The following SETBP1 variants were observed in gnomAD, a reference collection of about 807,000 sequenced individuals.
The protein encoded by SETBP1 is SET binding protein 1.
In SETBP1, 9 loss-of-function variants were observed where a neutral mutation model predicts 101.0. That is an observed-to-expected ratio of 0.09 (90% CI 0.05 to 0.16). SETBP1 has a LOEUF of 0.16. SETBP1 is among the 10% of genes least tolerant of loss of function. The probability of loss-of-function intolerance (pLI) is 1.00; values close to 1 mark genes in which losing one functional copy is unlikely to be tolerated. For synonymous variants in SETBP1, 818 were observed against 788.5 expected, an observed-to-expected ratio of 1.04 and a Z score of -0.63; for missense variants, 1,858 against 2,033.8, an observed-to-expected ratio of 0.91 and a Z score of 1.66.
At chr18:44,898,778 C>G (rs1332763327) in intron 3 of SETBP1, among the ~76,000 whole-genome samples, 1 of 152,128 alleles carries the variant, frequency 6.6e-6, no homozygotes, top group Non-Finnish European at 1.5e-5. Context: ...GGGACACACC[C>G]GAGCACCCAC....
At chr18:44,889,961 A>C (rs1381269981) in intron 3 of SETBP1, among the ~76,000 whole-genome samples, 2 of 152,184 alleles carry the variant, frequency 1.3e-5, no homozygotes, top group Non-Finnish European at 2.9e-5. Context: ...TACTTAATTA[A>C]CAAATTAAAA....
intron 2 of SETBP1, among the ~76,000 whole-genome samples, chr18:44,823,796 G>T (rs1177275698): frequency 8.5e-5 from 13 of 152,196 alleles, no homozygotes; most frequent in Admixed American, 8.5e-4. Flanking sequence ...TCACAAATAA[G>T]AAATGATTTT....
chr18:45,028,971 C>T (rs918238816), intron 4 of SETBP1, among the ~76,000 whole-genome samples: 24 of 152,288 alleles, frequency 1.6e-4, no homozygotes, highest in Non-Finnish European at 3.1e-4. Context: ...TGCCTGTTCA[C>T]TCTGCTAGTA....
At chr18:44,965,936 A>T (rs1047426943) in intron 4 of SETBP1, among the ~76,000 whole-genome samples, 1 of 152,168 alleles carries the variant, frequency 6.6e-6, no homozygotes, top group African/African-American at 2.4e-5. Context: ...ACCTTCCGCC[A>T]TGCCAGGGTT....
chr18:45,017,041 T>C (rs1462977261), intron 4 of SETBP1, among the ~76,000 whole-genome samples: 2 of 152,302 alleles, frequency 1.3e-5, no homozygotes, highest in East Asian at 3.9e-4. Context: ...TCCTTTGTTT[T>C]CTTGCAAATG....
rs2072769188 is a variant in SETBP1, at chr18:45,008,218, C to A, written c.4001-30267C>A. Among the ~76,000 whole-genome samples, 3 of 152,232 alleles carry A rather than the reference C, an allele frequency of 2.0e-5. No homozygotes were observed. In the South Asian group the frequency reaches 6.2e-4, roughly 32 times the overall value. ...TTGTCCCTAGGGGACAAGAGGTTTTCTTCATCAATCTCATGGGAATTGAGT... is the reference window on the plus strand; with the variant it reads ...TTGTCCCTAGGGGACAAGAGGTTTTATTCATCAATCTCATGGGAATTGAGT... On this transcript the variant is annotated intron_variant, in intron 4 of 5. Coordinates refer to ENST00000649279, the MANE Select transcript of SETBP1 (RefSeq NM_015559.3).
intron 2 of SETBP1, among the ~76,000 whole-genome samples, chr18:44,810,604 T>TAGG (rs2071841108): frequency 6.6e-6 from 1 of 152,220 alleles, no homozygotes; most frequent in South Asian, 2.1e-4. Context: ...ATGTTTGATT[T>TAGG]AGGGTCTGGA....
intron 2 of SETBP1, among the ~76,000 whole-genome samples, chr18:44,784,383 C>T (rs2071195673): frequency 6.6e-6 from 1 of 152,156 alleles, no homozygotes; most frequent in South Asian, 2.1e-4. Context: ...ACAAGCCTGG[C>T]CCAGTGCCTC....
rs531503287 is a variant in SETBP1, at chr18:45,013,187, T to C, written c.4001-25298T>C. 6.6e-4 allele frequency among the ~76,000 whole-genome samples: 100 copies of C among 152,286 alleles called. 1 individual carries two copies. Among genetic ancestry groups the C allele is most frequent in the African/African-American group, 1.9e-3 (81 of 41,570 alleles). ...CCCCAGGCCCTGCAGCCTCCTGCCA[T>C]TCCTGGAGGCTGAGATAACATGGGG... On this transcript the variant is annotated intron_variant, in intron 4 of 5. Transcript: ENST00000649279.
At chr18:44,972,476 A>G (rs1393975878) in intron 4 of SETBP1, among the ~76,000 whole-genome samples, 1 of 152,188 alleles carries the variant, frequency 6.6e-6, no homozygotes, top group Non-Finnish European at 1.5e-5. Context: ...CAGTATGGCC[A>G]TTTTCAAGAT....
intron 2 of SETBP1, among the ~76,000 whole-genome samples, chr18:44,783,652 A>G (rs995662328): frequency 6.6e-6 from 1 of 152,202 alleles, no homozygotes; most frequent in African/African-American, 2.4e-5. Flanking sequence ...TACAGTTTCC[A>G]CAGACTTTTG....
At chr18:44,976,167 T>C (rs902074692) in intron 4 of SETBP1, among the ~76,000 whole-genome samples, 1 of 150,988 alleles carries the variant, frequency 6.6e-6, no homozygotes, top group African/African-American at 2.4e-5. Context: ...CAGTATTAAG[T>C]CCCCTTTTGC....
chr18:45,025,438 T>C (rs749336817), intron 4 of SETBP1, among the ~76,000 whole-genome samples: 2 of 152,220 alleles, frequency 1.3e-5, no homozygotes, highest in Non-Finnish European at 2.9e-5. Context: ...GGTATTAGCT[T>C]GTCTGACTGA....
At chr18:45,055,317 T>C (rs906375959) in intron 5 of SETBP1, among the ~76,000 whole-genome samples, 3 of 152,230 alleles carry the variant, frequency 2.0e-5, no homozygotes, top group African/African-American at 7.2e-5. Context: ...TGAACAGTCA[T>C]ACCATTTAAA....
chr18:44,855,730 C>T (rs865934244), intron 2 of SETBP1, among the ~76,000 whole-genome samples: 1 of 152,332 alleles, frequency 6.6e-6, no homozygotes, highest in African/African-American at 2.4e-5. Flanking sequence ...TGAAGAATTT[C>T]CAGCACATGA....
chr18:44,945,860 T>A (rs2145070808), intron 3 of SETBP1, among the ~76,000 whole-genome samples: 1 of 152,238 alleles, frequency 6.6e-6, no homozygotes, highest in African/African-American at 2.4e-5. Flanking sequence ...CCCGATAAGA[T>A]ATCATCTCCC....
intron 4 of SETBP1, among the ~76,000 whole-genome samples, chr18:45,004,110 A>C (rs1369122054): frequency 6.6e-6 from 1 of 152,230 alleles, no homozygotes; most frequent in African/African-American, 2.4e-5. Context: ...AGGCGTGCTG[A>C]AGTGGAGAAA....
intron 5 of SETBP1, among the ~76,000 whole-genome samples, chr18:45,044,604 T>C (rs1190274070): frequency 7.2e-5 from 11 of 152,192 alleles, no homozygotes. Flanking sequence ...GAGCTTCTCC[T>C]ATGGCCAAGG....
chr18:44,841,410 C>A (rs752308625), intron 2 of SETBP1, among the ~76,000 whole-genome samples: 1 of 152,162 alleles, frequency 6.6e-6, no homozygotes, highest in Non-Finnish European at 1.5e-5. Context: ...GGAAATCACA[C>A]CCCTCACTTC....
Sources: gnomAD v4.1 joint callset for allele counts (sites outside exome capture counted in the v4.1 genomes callset) on GRCh38, gnomAD v4.1.1 for gene constraint, MANE v1.5 for transcripts, NCBI Gene and HGNC (gene_info 2026-07-23, HGNC 2026-07-21) for gene names.